Variants in NBPF8 observed in about 807,000 individuals in gnomAD.
NBPF8 encodes the protein NBPF member 8, also known as NBPF family member NBPF8.
rs1167937467 is a variant in NBPF8 at position 120,466,088 on chromosome 1, A to T, written n.3679A>T. ...TGTGAACTACGTGACTCATTCCAGCACTACAGAAGTGTGTTTTACTCATTT... is the reference window on the plus strand; with the variant it reads ...TGTGAACTACGTGACTCATTCCAGCTCTACAGAAGTGTGTTTTACTCATTT... On this transcript the variant is annotated non_coding_transcript_exon_variant, in exon 25 of 25. Coordinates refer to ENST00000583271, the Ensembl canonical transcript of NBPF8. 1.9e-6 allele frequency: 3 copies of T among 1,611,648 alleles called. No individual in the cohort carries two copies. In the African/African-American group the frequency reaches 4.0e-5, roughly 22 times the overall value.
intron 11 of NBPF8, among the ~76,000 whole-genome samples, chr1:120,450,437 G>T (rs1553248647): frequency 6.6e-6 from 1 of 151,986 alleles, no homozygotes; most frequent in African/African-American, 2.4e-5. Context: ...TGTCTTGTCT[G>T]TCCCTCAGTT....
upstream of NBPF8, among the ~76,000 whole-genome samples, chr1:120,419,068 A>C (rs1660501705): frequency 6.6e-6 from 1 of 152,064 alleles, no homozygotes; most frequent in South Asian, 2.1e-4. Flanking sequence ...ACAGATATTG[A>C]ATAAATATTT....
At chr1:120,431,838 C>G (rs1287976934), upstream of NBPF8, among the ~76,000 whole-genome samples, 5 of 149,424 alleles carry the variant, frequency 3.3e-5, no homozygotes, top group African/African-American at 1.2e-4. Flanking sequence ...GGGCGGGCTG[C>G]TATTTCTCAT....
chr1:120,434,551 C>G (rs1436757207), upstream of NBPF8, among the ~76,000 whole-genome samples: 1 of 150,632 alleles, frequency 6.6e-6, no homozygotes, highest in Non-Finnish European at 1.5e-5. Context: ...GTTCCCCGTC[C>G]TGTGTCCAAG....
chr1:120,435,734 C>T (rs1426070761), upstream of NBPF8, among the ~76,000 whole-genome samples: 16 of 151,034 alleles, frequency 1.1e-4, no homozygotes, highest in South Asian at 2.1e-4. Flanking sequence ...GGCGTGGTGG[C>T]GGGCGCCTGT....
intron 3 of NBPF8, among the ~76,000 whole-genome samples, chr1:120,428,620 C>T (rs1570929216): frequency 6.6e-6 from 1 of 152,178 alleles, no homozygotes; most frequent in African/African-American, 2.4e-5. Flanking sequence ...GGCTTGTGGG[C>T]TATGTCTGGA....
At chr1:120,462,874 G>C in exon 21 of NBPF8, 1 of 416,946 alleles carries the variant, frequency 2.4e-6, no homozygotes. Flanking sequence ...ACTCCTTCAG[G>C]TTATCTTGAA....
rs1661087166 is a variant in NBPF8, at chr1:120,436,548, C to G, written n.196C>G. The G allele has an allele frequency of 4.6e-6, 7 of 1,526,638 alleles. No individual in the cohort carries two copies. In the South Asian group the frequency reaches 6.7e-5, roughly 15 times the overall value. 94.6% of individuals were successfully genotyped at this position (1,526,638 alleles called of 1,614,324 possible). On this transcript the variant is annotated non_coding_transcript_exon_variant, in exon 1 of 25. Coordinates refer to ENST00000583271, the Ensembl canonical transcript of NBPF8. Reference sequence around the variant, plus strand: ...ATGGTGGTATCAGCCGGCCCTTGGTCCAGCGAGAAGGCAGAGATGAACATT... The same window carrying G: ...ATGGTGGTATCAGCCGGCCCTTGGTGCAGCGAGAAGGCAGAGATGAACATT...
exon 25 of NBPF8, chr1:120,466,073 G>A (rs1408645423): frequency 8.1e-6 from 13 of 1,611,818 alleles, no homozygotes; most frequent in Non-Finnish European, 9.3e-6. Flanking sequence ...TGTGAACTAC[G>A]TGACTCATTC....
At chr1:120,431,715 G>A (rs1660886166), upstream of NBPF8, among the ~76,000 whole-genome samples, 1 of 151,592 alleles carries the variant, frequency 6.6e-6, no homozygotes, top group Non-Finnish European at 1.5e-5. Flanking sequence ...AAATCTAACA[G>A]TTTCTTAAAG....
upstream of NBPF8, among the ~76,000 whole-genome samples, chr1:120,416,716 C>T (rs1660447240): frequency 1.3e-5 from 2 of 148,338 alleles, no homozygotes; most frequent in South Asian, 4.3e-4. Flanking sequence ...GTAGGAGTGA[C>T]ATTGTTGGTT....
Position 120,452,110 on chromosome 1 carries a change from A to T in NBPF8, n.2075-7A>T, listed in dbSNP as rs1661293048. 1.3e-6 allele frequency: 2 copies of T among 1,566,768 alleles called. No homozygotes were observed. Among genetic ancestry groups the T allele is most frequent in the African/African-American group, 2.8e-5 (2 of 71,958 alleles). ...ACTCTTAAATTTTCTCTACCGTCTC[A>T]CCTTAGGCAATATAAAGTCCTGGTT... is the stretch of plus-strand genomic sequence containing the variant. On this transcript the variant is annotated splice_polypyrimidine_tract_variant and splice_region_variant and intron_variant and non_coding_transcript_variant, in intron 12 of 24. Coordinates refer to ENST00000583271, the Ensembl canonical transcript of NBPF8.
intron 1 of NBPF8, among the ~76,000 whole-genome samples, chr1:120,425,612 G>T (rs1465073798): frequency 6.6e-6 from 1 of 152,122 alleles, no homozygotes; most frequent in Non-Finnish European, 1.5e-5. Context: ...CCGGTCCCCT[G>T]GGCCCATTTT....
chr1:120,434,572 G>A (rs1166082629), upstream of NBPF8, among the ~76,000 whole-genome samples: 1 of 150,988 alleles, frequency 6.6e-6, no homozygotes, highest in South Asian at 2.1e-4. Context: ...TGTTCTCATT[G>A]TTCAGTTCCC....
At chr1:120,417,806 T>C (rs1461116131), upstream of NBPF8, among the ~76,000 whole-genome samples, 7 of 146,078 alleles carry the variant, frequency 4.8e-5, no homozygotes, top group African/African-American at 1.8e-4. Flanking sequence ...TCAACATGTT[T>C]CCCAGGTTGG....
rs1453553178 is a variant in NBPF8, at chr1:120,426,250, T to TCCTTA, written n.368+409_368+413dup. Among the ~76,000 whole-genome samples the TCCTTA allele has an allele frequency of 6.6e-3, 986 of 150,298 alleles. 11 individuals carry two copies. The highest frequency in any genetic ancestry group is 0.06 in the Admixed American group (909 of 15,056). On this transcript the variant is annotated intron_variant and non_coding_transcript_variant, in intron 2 of 28. Transcript: ENST00000652355. The stretch of plus-strand genomic sequence containing the variant: ...TGACTCCAGAGGCCACGTGCTTTCC[T>TCCTTA]CCTTACCTGTCTGTTTCATCTTTCA...
At chr1:120,434,743 T>C (rs1184952389), upstream of NBPF8, among the ~76,000 whole-genome samples, 3 of 140,410 alleles carry the variant, frequency 2.1e-5, no homozygotes, top group East Asian at 2.0e-4. Context: ...CTCCATCATA[T>C]GTTGAAATTA....
exon 25 of NBPF8, chr1:120,466,340 T>C: frequency 2.8e-6 from 4 of 1,420,386 alleles, no homozygotes; most frequent in Non-Finnish European, 3.8e-6. Flanking sequence ...TCAGTGGGCA[T>C]GGCTCTATTC....
chr1:120,417,607 C>CTTT (rs1236479966), upstream of NBPF8, among the ~76,000 whole-genome samples: 44 of 52,620 alleles, frequency 8.4e-4, 1 homozygote, highest in Non-Finnish European at 1.1e-3. Flanking sequence ...TTTTGCATTT[C>CTTT]TTTTTTTTTT....
Sources: gnomAD v4.1 joint callset for allele counts (sites outside exome capture counted in the v4.1 genomes callset) on GRCh38, gnomAD v4.1.1 for gene constraint, MANE v1.5 for transcripts, NCBI Gene and HGNC (gene_info 2026-07-23, HGNC 2026-07-21) for gene names.